AHCY: variants seen among roughly 807,000 people sequenced by gnomAD.
AHCY encodes adenosylhomocysteinase, also known as S-adenosyl-L-homocysteine hydrolase.
Under a neutral mutation model 45.4 loss-of-function variants are expected in AHCY, and 24 were observed. That is an observed-to-expected ratio of 0.53 (90% confidence interval 0.38 to 0.74). AHCY has a LOEUF of 0.74. AHCY is among the 30% of genes least tolerant of loss of function. The pLI is 0.00. For missense variants in AHCY, 449 were observed against 594.1 expected, an observed-to-expected ratio of 0.76 and a Z score of 2.54; for synonymous variants, 245 against 235.1, an observed-to-expected ratio of 1.04 and a Z score of -0.39.
At chr20:34,245,563 T>C in the AHCY span, among the ~76,000 whole-genome samples, 1 of 150,526 alleles carries the variant, frequency 6.6e-6, no homozygotes, top group African/African-American at 2.4e-5. Flanking sequence ...AAATTTTGTA[T>C]TTTTTTTGGT....
the AHCY span, among the ~76,000 whole-genome samples, chr20:34,252,485 A>T: frequency 1.3e-5 from 2 of 152,220 alleles, no homozygotes; most frequent in African/African-American, 2.4e-5. Context: ...AAAGAGTAAC[A>T]GAGCAGTATT....
the AHCY span, among the ~76,000 whole-genome samples, chr20:34,238,924 T>C: frequency 6.6e-6 from 1 of 152,210 alleles, no homozygotes; most frequent in Non-Finnish European, 1.5e-5. Context: ...AAGCCTTCAA[T>C]AGACTCCATG....
chr20:34,274,426 G>A, the AHCY span, among the ~76,000 whole-genome samples: 1 of 152,132 alleles, frequency 6.6e-6, no homozygotes, highest in African/African-American at 2.4e-5. Context: ...CCAGGCAGAG[G>A]GGACTCTGCC....
chr20:34,297,866 C>T (rs1273069392), intron 1 of AHCY, among the ~76,000 whole-genome samples: 7 of 151,580 alleles, frequency 4.6e-5, no homozygotes, highest in Non-Finnish European at 7.4e-5. Context: ...TGAATGGGCG[C>T]GGTGGCTCAC....
intron 9 of AHCY, 135 bp from the exon 10 acceptor site, chr20:34,281,300 C>T (rs1320275949): frequency 7.3e-7 from 1 of 1,368,112 alleles, no homozygotes; most frequent in Admixed American, 1.9e-5. Context: ...CTCTTTCTAT[C>T]CTCACACCCA....
upstream of AHCY, among the ~76,000 whole-genome samples, chr20:34,303,583 CA>C (rs1317500734): frequency 2.6e-5 from 4 of 152,238 alleles, no homozygotes; most frequent in Non-Finnish European, 5.9e-5. Context: ...CTGGTTCAGC[CA>C]GTTGATTCAG....
intron 8 of AHCY, among the ~76,000 whole-genome samples, chr20:34,288,891 C>T (rs905356116): frequency 3.9e-5 from 6 of 152,186 alleles, no homozygotes; most frequent in Admixed American, 2.0e-4. Flanking sequence ...CCTATAAGAA[C>T]TCATCTTCCA....
At chr20:34,292,288 G>A (rs1236082052) in intron 4 of AHCY, 70 bp downstream of exon 4, 13 of 1,555,424 alleles carry the variant, frequency 8.4e-6, no homozygotes, top group Admixed American at 5.5e-5. Context: ...CCAGGCCTGC[G>A]GCCATCATGT....
At chr20:34,246,139 T>C in the AHCY span, 1 of 968,500 alleles carries the variant, frequency 1.0e-6, no homozygotes, top group Non-Finnish European at 1.6e-6. Context: ...TTTCAAAAGT[T>C]GCAAGGCCAC....
Position 34,285,488 on chromosome 20 carries a change from C to G in AHCY, c.1119G>C (p.Trp373Cys). 6.2e-7 allele frequency: 1 copy of G among 1,614,076 alleles called. No homozygotes were observed. Among genetic ancestry groups the G allele is most frequent in the Non-Finnish European group, 8.5e-7 (1 of 1,179,956 alleles). The change falls in exon 9 of 10, where the codon TGG becomes TGC. Residue 373 changes from tryptophan to cysteine, a missense_variant. Transcript: ENST00000217426. The stretch of plus-strand genomic sequence containing the variant: ...CAACGGGGTACTTGTCTGGATGGGT[C>G]CACAGCTCGATCTGCGCCATCACCT... The part of the protein sequence containing the change: ...TNQVMAQIEL[W>C]THPDKYPVGV...
chr20:34,239,194 T>G, the AHCY span, among the ~76,000 whole-genome samples: 1 of 152,094 alleles, frequency 6.6e-6, no homozygotes, highest in Non-Finnish European at 1.5e-5. Flanking sequence ...TCCATCAGAC[T>G]CAGTATGTTC....
chr20:34,275,686 T>TC (rs2035905157), downstream of AHCY, among the ~76,000 whole-genome samples: 1 of 151,490 alleles, frequency 6.6e-6, no homozygotes, highest in Non-Finnish European at 1.5e-5. Flanking sequence ...ATCTTTCTTT[T>TC]TTTTTTTTTT....
intron 1 of AHCY, among the ~76,000 whole-genome samples, chr20:34,301,049 C>T (rs113126854): frequency 2.9e-4 from 44 of 152,210 alleles, no homozygotes; most frequent in African/African-American, 1.0e-3. Context: ...GGGGCTGGCA[C>T]GTGACAAGGG....
At chr20:34,258,083 G>A in the AHCY span, among the ~76,000 whole-genome samples, 1 of 151,954 alleles carries the variant, frequency 6.6e-6, no homozygotes, top group East Asian at 1.9e-4. Flanking sequence ...GGCAGAGGTT[G>A]CAGTAAGCCA....
the AHCY span, among the ~76,000 whole-genome samples, chr20:34,268,188 C>T: frequency 1.3e-5 from 2 of 152,122 alleles, no homozygotes; most frequent in Non-Finnish European, 2.9e-5. Flanking sequence ...CCACAGATGA[C>T]CAGTGGCTAC....
chr20:34,262,217 TTTCACTTTATAAACAGA>T, the AHCY span, among the ~76,000 whole-genome samples: 12 of 152,152 alleles, frequency 7.9e-5, no homozygotes, highest in African/African-American at 2.9e-4. Context: ...GTAACAGACT[TTTCACTTTATAAACAGA>T]CTTCATTTAT....
the AHCY span, among the ~76,000 whole-genome samples, chr20:34,238,720 T>C: frequency 2.0e-5 from 3 of 152,218 alleles, no homozygotes; most frequent in Admixed American, 2.0e-4. Context: ...TTGTATGCCT[T>C]GTGATTTTTT....
At chr20:34,244,754 G>A in the AHCY span, among the ~76,000 whole-genome samples, 1 of 152,122 alleles carries the variant, frequency 6.6e-6, no homozygotes, top group Non-Finnish European at 1.5e-5. Flanking sequence ...AAGGCTTTTA[G>A]CATACTTTAT....
At chr20:34,235,767 AGAGT>A in the AHCY span, among the ~76,000 whole-genome samples, 1 of 147,836 alleles carries the variant, frequency 6.8e-6, no homozygotes, top group African/African-American at 2.5e-5. Flanking sequence ...CCTGTGTGAC[AGAGT>A]GAGACTCTGA....
Sources: allele counts gnomAD v4.1 joint callset (sites outside exome capture counted in the v4.1 genomes callset), GRCh38; gene constraint gnomAD v4.1.1; transcripts MANE v1.5; gene names NCBI Gene and HGNC (gene_info 2026-07-23, HGNC 2026-07-21).